The following MAF variants were observed in gnomAD, a reference collection of about 807,000 sequenced individuals.
MAF encodes MAF bZIP transcription factor.
A neutral mutation model predicts 22.0 loss-of-function variants in MAF; 10 were observed. The observed-to-expected ratio is 0.45, with a 90% confidence interval of 0.28 to 0.77. The LOEUF is 0.77. Ranked by LOEUF, MAF falls within the 30% of genes least tolerant of loss-of-function variation. MAF has a pLI of 0.12. For missense variants in MAF, 544 were observed against 548.4 expected, an observed-to-expected ratio of 0.99 and a Z score of 0.08; for synonymous variants, 337 against 255.8, an observed-to-expected ratio of 1.32 and a Z score of -3.03.
At chr16:79,586,483 T>C (rs928900010) in intron 1 of MAF, among the ~76,000 whole-genome samples, 1 of 152,246 alleles carries the variant, frequency 6.6e-6, no homozygotes, top group African/African-American at 2.4e-5. Flanking sequence ...TTTTAACAAA[T>C]AGAACAGCTT....
chr16:79,562,337 C>G, the MAF span, among the ~76,000 whole-genome samples: 1 of 152,186 alleles, frequency 6.6e-6, no homozygotes, highest in African/African-American at 2.4e-5. Flanking sequence ...CCCAGCATCT[C>G]ACTGCCTTAA....
the MAF span, among the ~76,000 whole-genome samples, chr16:79,416,139 G>A: frequency 2.2e-4 from 34 of 152,246 alleles, no homozygotes; most frequent in African/African-American, 7.2e-4. Flanking sequence ...TGCCACCCGC[G>A]GCACAGGATG....
the MAF span, among the ~76,000 whole-genome samples, chr16:79,242,249 TG>T: frequency 2.6e-5 from 4 of 151,328 alleles, no homozygotes; most frequent in African/African-American, 9.7e-5. Context: ...GCTGGCAAAT[TG>T]GATAAAGAGT....
the MAF span, among the ~76,000 whole-genome samples, chr16:79,405,952 G>C: frequency 6.6e-6 from 1 of 152,246 alleles, no homozygotes; most frequent in African/African-American, 2.4e-5. Flanking sequence ...CACTGCCCAC[G>C]GCTTCTTTGG....
the MAF span, among the ~76,000 whole-genome samples, chr16:79,366,698 C>A: frequency 6.6e-6 from 1 of 152,178 alleles, no homozygotes. Flanking sequence ...TAACTAGGAA[C>A]CTCCCTATGG....
At chr16:79,409,806 C>A in the MAF span, among the ~76,000 whole-genome samples, 1 of 152,190 alleles carries the variant, frequency 6.6e-6, no homozygotes, top group Non-Finnish European at 1.5e-5. Context: ...GTGGATCTTC[C>A]TGCTAAAATG....
chr16:79,353,090 A>T, the MAF span, among the ~76,000 whole-genome samples: 1 of 152,024 alleles, frequency 6.6e-6, no homozygotes, highest in Non-Finnish European at 1.5e-5. Context: ...TACAAAAAAA[A>T]ATGAAATTTA....
downstream of MAF, among the ~76,000 whole-genome samples, chr16:79,593,627 G>A (rs1367634170): frequency 2.0e-5 from 3 of 152,204 alleles, no homozygotes; most frequent in African/African-American, 7.2e-5. Context: ...AGGAAATGAT[G>A]TCTCCGTAGC....
chr16:79,525,142 A>G, the MAF span, among the ~76,000 whole-genome samples: 1 of 152,198 alleles, frequency 6.6e-6, no homozygotes, highest in Non-Finnish European at 1.5e-5. Context: ...TGAGCTAAAA[A>G]TTACAAAGCC....
chr16:79,392,620 A>G, the MAF span, among the ~76,000 whole-genome samples: 1 of 152,114 alleles, frequency 6.6e-6, no homozygotes, highest in Non-Finnish European at 1.5e-5. Context: ...AGCCAAAACA[A>G]TGCCTAGGAT....
chr16:79,265,462 G>T, the MAF span, among the ~76,000 whole-genome samples: 4 of 152,026 alleles, frequency 2.6e-5, no homozygotes, highest in African/African-American at 9.7e-5. Context: ...AAGTACAGCA[G>T]TTCTCCCTTA....
At chr16:79,276,376 G>A in the MAF span, among the ~76,000 whole-genome samples, 2 of 152,266 alleles carry the variant, frequency 1.3e-5, no homozygotes, top group Admixed American at 6.5e-5. Context: ...GGTTGTGAAA[G>A]GAGTTAATGT....
At chr16:79,491,154 T>C in the MAF span, among the ~76,000 whole-genome samples, 2 of 152,130 alleles carry the variant, frequency 1.3e-5, no homozygotes, top group African/African-American at 2.4e-5. Context: ...CAGCCTGATA[T>C]CCCGTGGAGC....
At chr16:79,219,206 G>A in the MAF span, among the ~76,000 whole-genome samples, 6 of 152,206 alleles carry the variant, frequency 3.9e-5, no homozygotes, top group Non-Finnish European at 1.5e-5. Context: ...TCTTCTTCCG[G>A]CTTTCCTGAT....
At chr16:79,564,917 C>G in the MAF span, among the ~76,000 whole-genome samples, 1 of 152,216 alleles carries the variant, frequency 6.6e-6, no homozygotes, top group Admixed American at 6.5e-5. Context: ...GCTGCACACT[C>G]TCTGCCTCTG....
At chr16:79,489,188 T>C in the MAF span, among the ~76,000 whole-genome samples, 1 of 152,060 alleles carries the variant, frequency 6.6e-6, no homozygotes, top group Non-Finnish European at 1.5e-5. Flanking sequence ...CACACATCCA[T>C]TTATCCATCC....
chr16:79,501,647 C>T, the MAF span, among the ~76,000 whole-genome samples: 1 of 152,188 alleles, frequency 6.6e-6, no homozygotes, highest in Non-Finnish European at 1.5e-5. Flanking sequence ...ATTATGCTGA[C>T]TGTCAAAATT....
the MAF span, among the ~76,000 whole-genome samples, chr16:79,436,863 G>A: frequency 2.0e-5 from 3 of 152,322 alleles, no homozygotes; most frequent in African/African-American, 4.8e-5. Flanking sequence ...TGCACACACA[G>A]GCTCGACGCT....
the MAF span, among the ~76,000 whole-genome samples, chr16:79,545,823 T>C: frequency 3.3e-5 from 5 of 152,142 alleles, no homozygotes; most frequent in Non-Finnish European, 5.9e-5. Context: ...AAGAAATTCA[T>C]TATACAACCT....
Sources: allele counts gnomAD v4.1 joint callset (sites outside exome capture counted in the v4.1 genomes callset), GRCh38; gene constraint gnomAD v4.1.1; transcripts MANE v1.5; gene names NCBI Gene and HGNC (gene_info 2026-07-23, HGNC 2026-07-21).